PRKG1: variants seen among roughly 807,000 people sequenced by gnomAD.
The protein encoded by PRKG1 is protein kinase cGMP-dependent 1, also known as cGMP-dependent protein kinase 1.
In PRKG1, 35 loss-of-function variants were observed where a neutral mutation model predicts 88.1. That is an observed-to-expected ratio of 0.40 (90% confidence interval 0.30 to 0.53). The LOEUF is 0.53. Ranked by LOEUF, PRKG1 falls within the 20% of genes least tolerant of loss-of-function variation. The pLI is 0.59. For synonymous variants in PRKG1, 303 were observed against 292.5 expected (o/e 1.04, Z -0.37); for missense variants, 540 against 839.8 (o/e 0.64, Z 4.41).
At chr10:51,037,225 A>G (rs1470419985) in intron 1 of PRKG1, among the ~76,000 whole-genome samples, 1 of 152,054 alleles carries the variant, frequency 6.6e-6, no homozygotes, top group Non-Finnish European at 1.5e-5. Flanking sequence ...AGGCAGGAGG[A>G]TTGTTTGAGT....
chr10:51,072,873 T>C (rs540766730), upstream of PRKG1, among the ~76,000 whole-genome samples: 1 of 152,248 alleles, frequency 6.6e-6, no homozygotes, highest in East Asian at 1.9e-4. Flanking sequence ...ATACAAAAAG[T>C]TGTGTATTCA....
intron 9 of PRKG1, chr10:52,185,059 T>C (rs1260878934): frequency 2.0e-5 from 3 of 152,188 alleles, no homozygotes; most frequent in African/African-American, 7.2e-5. Context: ...CATTGCAAAA[T>C]ATAATCCTCC....
At chr10:51,625,139 A>G (rs540442037) in intron 3 of PRKG1, among the ~76,000 whole-genome samples, 1 of 152,176 alleles carries the variant, frequency 6.6e-6, no homozygotes, top group Admixed American at 6.5e-5. Flanking sequence ...CTATGTGTAC[A>G]CGCATTGAGA....
intron 2 of PRKG1, among the ~76,000 whole-genome samples, chr10:51,354,855 A>G (rs1268248878): frequency 6.6e-6 from 1 of 152,102 alleles, no homozygotes; most frequent in African/African-American, 2.4e-5. Context: ...TTGATTAAAG[A>G]TATCAAAAAA....
At chr10:51,994,924 CCA>C (rs1844400806) in intron 5 of PRKG1, among the ~76,000 whole-genome samples, 1 of 152,126 alleles carries the variant, frequency 6.6e-6, no homozygotes, top group Non-Finnish European at 1.5e-5. Context: ...CTCTACATTT[CCA>C]CAGTTACTTG....
upstream of PRKG1, among the ~76,000 whole-genome samples, chr10:51,071,832 C>A (rs1384910163): frequency 6.6e-6 from 1 of 152,074 alleles, no homozygotes; most frequent in African/African-American, 2.4e-5. Context: ...CATTAAGTAA[C>A]CCCATTTAAA....
At chr10:51,548,256 C>CAA (rs3086900) in intron 3 of PRKG1, among the ~76,000 whole-genome samples, 122,227 of 151,728 alleles carry the variant, frequency 0.81, 49,929 homozygotes, top group East Asian at 0.98. Context: ...AAAGGGCTTA[C>CAA]GTCTCCAAAA....
chr10:51,134,733 T>C (rs1337067623), intron 1 of PRKG1, among the ~76,000 whole-genome samples: 1 of 152,174 alleles, frequency 6.6e-6, no homozygotes, highest in Non-Finnish European at 1.5e-5. Context: ...GACATTATAG[T>C]TGTATCTAAA....
chr10:51,449,929 G>T (rs1839386693), intron 2 of PRKG1, among the ~76,000 whole-genome samples: 1 of 151,746 alleles, frequency 6.6e-6, no homozygotes, highest in African/African-American at 2.4e-5. Context: ...ATTTGTTTTT[G>T]ATGCGAATCA....
chr10:51,085,261 G>A (rs576855875), intron 1 of PRKG1, among the ~76,000 whole-genome samples: 3 of 152,270 alleles, frequency 2.0e-5, no homozygotes, highest in South Asian at 2.1e-4. Flanking sequence ...TAAGTAACAC[G>A]TTTTGTATTA....
At chr10:52,035,657 G>A (rs1845588679) in intron 5 of PRKG1, among the ~76,000 whole-genome samples, 1 of 152,250 alleles carries the variant, frequency 6.6e-6, no homozygotes, top group South Asian at 2.1e-4. Context: ...TGAAGTCTGG[G>A]CCAGGAACAA....
At chr10:51,738,593 A>G (rs1317691835) in intron 3 of PRKG1, among the ~76,000 whole-genome samples, 2 of 152,166 alleles carry the variant, frequency 1.3e-5, no homozygotes, top group Non-Finnish European at 2.9e-5. Context: ...GGAGGTAGAT[A>G]GGTTATGAGA....
intron 3 of PRKG1, among the ~76,000 whole-genome samples, chr10:51,536,556 A>G (rs183940832): frequency 6.6e-6 from 1 of 152,020 alleles, no homozygotes; most frequent in East Asian, 1.9e-4. Context: ...CCACTTGCCA[A>G]TTTTTGTTTT....
intron 3 of PRKG1, among the ~76,000 whole-genome samples, chr10:51,770,278 GT>G (rs1838270305): frequency 6.6e-6 from 1 of 152,212 alleles, no homozygotes; most frequent in African/African-American, 2.4e-5. Context: ...CAGTAAAAGA[GT>G]TATGCAGCAT....
chr10:51,776,582 T>C (rs569385608), intron 3 of PRKG1, among the ~76,000 whole-genome samples: 15 of 152,314 alleles, frequency 9.8e-5, no homozygotes, highest in African/African-American at 3.1e-4. Context: ...CCCAGTACTT[T>C]GCAAAGCCAA....
At chr10:51,800,160 G>A (rs1239625729) in intron 3 of PRKG1, among the ~76,000 whole-genome samples, 1 of 151,954 alleles carries the variant, frequency 6.6e-6, no homozygotes, top group African/African-American at 2.4e-5. Context: ...ATCATAGGAA[G>A]AAATGCTAAA....
intron 2 of PRKG1, among the ~76,000 whole-genome samples, chr10:51,266,040 T>C (rs987942136): frequency 3.2e-4 from 49 of 152,160 alleles, no homozygotes; most frequent in Admixed American, 8.5e-4. Flanking sequence ...TAGGTCCCTA[T>C]GGGGAAATAA....
chr10:51,855,822 G>C (rs1438778270), intron 4 of PRKG1, among the ~76,000 whole-genome samples: 2 of 152,162 alleles, frequency 1.3e-5, no homozygotes, highest in Non-Finnish European at 2.9e-5. Flanking sequence ...ACAAAACAGA[G>C]AAATCCAAAG....
chr10:51,335,622 C>T (rs995299581), intron 2 of PRKG1, among the ~76,000 whole-genome samples: 4 of 152,134 alleles, frequency 2.6e-5, no homozygotes, highest in Non-Finnish European at 5.9e-5. Flanking sequence ...AACTCGGCCT[C>T]CAAGGTTCAA....
Sources: gnomAD v4.1 joint callset for allele counts (sites outside exome capture counted in the v4.1 genomes callset) on GRCh38, gnomAD v4.1.1 for gene constraint, MANE v1.5 for transcripts, NCBI Gene and HGNC (gene_info 2026-07-23, HGNC 2026-07-21) for gene names.